Variants in NRG3 observed in about 807,000 individuals in gnomAD.
NRG3 encodes neuregulin 3.
NRG3 carries 31 observed loss-of-function variants against 66.9 expected under a neutral mutation model. That is an observed-to-expected ratio of 0.46 (90% confidence interval 0.35 to 0.63). The LOEUF is 0.63. Ranked by LOEUF, NRG3 falls within the 20% of genes least tolerant of loss-of-function variation. The pLI is 0.00. For synonymous variants in NRG3, 393 were observed against 359.4 expected, an observed-to-expected ratio of 1.09 and a Z score of -1.06; for missense variants, 910 against 878.9, an observed-to-expected ratio of 1.04 and a Z score of -0.45.
intron 3 of NRG3, among the ~76,000 whole-genome samples, chr10:82,760,082 A>C (rs2059242563): frequency 6.6e-6 from 1 of 152,144 alleles, no homozygotes; most frequent in Admixed American, 6.6e-5. Context: ...TTGCAGAAAA[A>C]AGAAAGCCAG....
chr10:82,362,443 G>T (rs2084219853), intron 2 of NRG3, among the ~76,000 whole-genome samples: 1 of 149,732 alleles, frequency 6.7e-6, no homozygotes, highest in African/African-American at 2.5e-5. Context: ...GTATGATCTT[G>T]GCTCACTGCA....
chr10:82,349,959 C>T (rs11193878), intron 1 of NRG3, among the ~76,000 whole-genome samples: 2,133 of 152,294 alleles, frequency 0.014, 45 homozygotes, highest in African/African-American at 0.047. Context: ...CCTGCGCCCA[C>T]TGTCTGGCAC....
intron 2 of NRG3, among the ~76,000 whole-genome samples, chr10:82,374,093 T>G (rs1459129049): frequency 6.6e-6 from 1 of 152,194 alleles, no homozygotes; most frequent in Non-Finnish European, 1.5e-5. Flanking sequence ...GCTAAATACC[T>G]ACCACTCTCA....
At chr10:82,590,566 C>A (rs2046924538) in intron 2 of NRG3, among the ~76,000 whole-genome samples, 1 of 152,138 alleles carries the variant, frequency 6.6e-6, no homozygotes, top group South Asian at 2.1e-4. Context: ...TCTCAGTCCC[C>A]CTGCTCCCCA....
At chr10:82,910,620 A>G (rs1845224281) in intron 4 of NRG3, among the ~76,000 whole-genome samples, 1 of 152,256 alleles carries the variant, frequency 6.6e-6, no homozygotes, top group Non-Finnish European at 1.5e-5. Flanking sequence ...GATGAGGACT[A>G]GAAGATTTTT....
At chr10:82,485,310 C>T (rs577529366) in intron 2 of NRG3, among the ~76,000 whole-genome samples, 2 of 151,676 alleles carry the variant, frequency 1.3e-5, no homozygotes, top group Non-Finnish European at 2.9e-5. Context: ...TAAATGATCT[C>T]CTATTTATAA....
chr10:82,957,877 A>G (rs1417361856), intron 5 of NRG3, among the ~76,000 whole-genome samples: 1 of 144,776 alleles, frequency 6.9e-6, no homozygotes, highest in African/African-American at 2.6e-5. Context: ...TTAGGTCAAC[A>G]CTGCAAAGAG....
intron 3 of NRG3, among the ~76,000 whole-genome samples, chr10:82,748,829 T>C (rs569999676): frequency 2.6e-5 from 4 of 151,720 alleles, no homozygotes; most frequent in African/African-American, 9.6e-5. Context: ...ATAAATAAAA[T>C]AATTTGCCCA....
chr10:81,980,139 CAA>C (rs1274963563), intron 1 of NRG3, among the ~76,000 whole-genome samples: 1 of 152,032 alleles, frequency 6.6e-6, no homozygotes, highest in Non-Finnish European at 1.5e-5. Context: ...GTTTCCTTCC[CAA>C]ATCTTTAATT....
At chr10:82,429,589 T>C (rs2089664353) in intron 2 of NRG3, among the ~76,000 whole-genome samples, 5 of 152,158 alleles carry the variant, frequency 3.3e-5, no homozygotes, top group Admixed American at 3.3e-4. Context: ...TATGATGTAT[T>C]TGTGTGTGAA....
chr10:82,721,947 G>GA lies in NRG3; in HGVS notation c.954-16614dup, dbSNP rs537584553. Among the ~76,000 whole-genome samples the GA allele has an allele frequency of 4.8e-3, 521 of 108,878 alleles. 2 individuals are homozygous for GA. Among genetic ancestry groups the GA allele is most frequent in the Admixed American group, 0.016 (159 of 10,192 alleles). 71.4% of individuals were successfully genotyped at this position (108,878 alleles called of 152,430 possible). On this transcript the variant is annotated intron_variant, in intron 2 of 8. Transcript: ENST00000372141. ...TCTTTTTGACCTTGCTTTGTTACAAGAAAAAAAAAAAAAAAATGGGAGGGG... is the reference window on the plus strand; with the variant it reads ...TCTTTTTGACCTTGCTTTGTTACAAGAAAAAAAAAAAAAAAAATGGGAGGGG...
chr10:82,557,278 T>C (rs2132962071), intron 2 of NRG3, among the ~76,000 whole-genome samples: 1 of 152,306 alleles, frequency 6.6e-6, no homozygotes, highest in Non-Finnish European at 1.5e-5. Flanking sequence ...TGTTCCCTTT[T>C]CTTCACAACC....
intron 1 of NRG3, among the ~76,000 whole-genome samples, chr10:82,285,231 C>T (rs566306153): frequency 2.6e-5 from 4 of 152,268 alleles, no homozygotes; most frequent in African/African-American, 9.6e-5. Context: ...CTTATATTCA[C>T]ACAGTTACTA....
intron 2 of NRG3, among the ~76,000 whole-genome samples, chr10:82,576,062 C>G (rs369001153): frequency 4.0e-5 from 6 of 151,776 alleles, no homozygotes; most frequent in African/African-American, 1.4e-4. Context: ...TGTATCCCTT[C>G]AGGGAAATTA....
chr10:82,595,066 C>T (rs1384002456), intron 2 of NRG3, among the ~76,000 whole-genome samples: 1 of 151,940 alleles, frequency 6.6e-6, no homozygotes, highest in Non-Finnish European at 1.5e-5. Context: ...AGTGATCCTC[C>T]CATTTCAGCC....
chr10:82,795,455 T>A (rs1223126850), intron 3 of NRG3, among the ~76,000 whole-genome samples: 1 of 152,226 alleles, frequency 6.6e-6, no homozygotes, highest in Non-Finnish European at 1.5e-5. Flanking sequence ...TGTCTTTCCA[T>A]CTCATCTCTC....
chr10:82,836,440 T>C (rs1311778455), intron 3 of NRG3, among the ~76,000 whole-genome samples: 1 of 152,184 alleles, frequency 6.6e-6, no homozygotes, highest in African/African-American at 2.4e-5. Flanking sequence ...CAGCAGTGGA[T>C]GTATACGCTT....
intron 2 of NRG3, among the ~76,000 whole-genome samples, chr10:82,584,981 G>T (rs2046579511): frequency 8.1e-6 from 1 of 123,146 alleles, no homozygotes; most frequent in South Asian, 2.6e-4. Flanking sequence ...TGTTGCTGTT[G>T]TTGTTGTTGT....
chr10:82,828,390 C>T (rs2062347779), intron 3 of NRG3, among the ~76,000 whole-genome samples: 2 of 152,022 alleles, frequency 1.3e-5, no homozygotes, highest in African/African-American at 4.8e-5. Context: ...TAACTGGAGG[C>T]CCATTCTAAG....
Sources: gnomAD v4.1 joint callset for allele counts (sites outside exome capture counted in the v4.1 genomes callset) on GRCh38, gnomAD v4.1.1 for gene constraint, MANE v1.5 for transcripts, NCBI Gene and HGNC (gene_info 2026-07-23, HGNC 2026-07-21) for gene names.